The following ODF1 variants were observed in gnomAD, a reference collection of about 807,000 sequenced individuals.
The protein encoded by ODF1 is outer dense fiber protein 1.
In ODF1, 10 loss-of-function variants were observed where a neutral mutation model predicts 24.0. That is an observed-to-expected ratio of 0.42 (90% CI 0.26 to 0.71). ODF1 has a LOEUF of 0.71. ODF1 is among the 30% of genes least tolerant of loss of function. ODF1 has a pLI of 0.28. For synonymous variants in ODF1, 118 were observed against 121.3 expected (o/e 0.97, Z 0.18); for missense variants, 282 against 307.9 (o/e 0.92, Z 0.63).
At chr8:102,553,460 C>A (rs1826073324) in intron 1 of ODF1, among the ~76,000 whole-genome samples, 2 of 151,950 alleles carry the variant, frequency 1.3e-5, no homozygotes, top group South Asian at 4.2e-4. Context: ...AGCCTGGGAG[C>A]TTTCACCTGT....
chr8:102,553,169 C>A (rs1304437088), intron 1 of ODF1, among the ~76,000 whole-genome samples: 1 of 147,572 alleles, frequency 6.8e-6, no homozygotes, highest in African/African-American at 2.5e-5. Flanking sequence ...TCGAGACCAG[C>A]CTGGCTAACA....
At chr8:102,554,826 C>T (rs1345136076) in intron 1 of ODF1, among the ~76,000 whole-genome samples, 1 of 152,090 alleles carries the variant, frequency 6.6e-6, no homozygotes, top group Non-Finnish European at 1.5e-5. Flanking sequence ...AGTGTGGTGG[C>T]ACATGCTTGT....
At position 102,560,620 on chromosome 8, in the gene ODF1, G is replaced by T; in HGVS notation, c.489G>T (p.Ser163=). The part of the protein sequence containing the change: ...ERENRYDCLG[S]KKYSYMNICK... ...AGAACAGGTACGACTGCCTTGGATC[G>T]AAAAAGTACAGCTACATGAACATCT... The change falls in exon 2 of 2, where the codon TCG becomes TCT. Residue 163 remains serine, a synonymous_variant. Coordinates refer to ENST00000285402, the MANE Select transcript of ODF1 (RefSeq NM_024410.4). 1.2e-6 allele frequency: 2 copies of T among 1,614,192 alleles called. No individual in the cohort carries two copies. Among genetic ancestry groups the T allele is most frequent in the Non-Finnish European group, 1.7e-6 (2 of 1,180,024 alleles).
At chr8:102,559,840 C>T (rs1214084743) in intron 1 of ODF1, among the ~76,000 whole-genome samples, 4 of 151,454 alleles carry the variant, frequency 2.6e-5, no homozygotes, top group South Asian at 2.1e-4. Context: ...GGGCTGGGTT[C>T]GAAAGCTGAC....
Position 102,560,989 on chromosome 8 carries a change from T to C in ODF1, c.*105T>C, listed in dbSNP as rs955729881. 11 of 1,095,180 alleles carry C rather than the reference T, an allele frequency of 1.0e-5. No individual in the cohort carries two copies. Among genetic ancestry groups the C allele is most frequent in the Admixed American group, 2.2e-5 (1 of 44,614 alleles). 67.8% of individuals were successfully genotyped at this position (1,095,180 alleles called of 1,614,324 possible). A position where few individuals can be genotyped will look rare whatever the true frequency, so the allele number is the denominator to read the frequency against. On this transcript the variant is annotated 3_prime_UTR_variant, in exon 2 of 2. Coordinates refer to ENST00000285402, the MANE Select transcript of ODF1 (RefSeq NM_024410.4). Reference sequence around the variant, plus strand: ...CCATGGCCCCTGTTGTTGAAGTACGTAGGAAACTGAATACATAACTGCAAT... The same window carrying C: ...CCATGGCCCCTGTTGTTGAAGTACGCAGGAAACTGAATACATAACTGCAAT...
At chr8:102,553,374 CAAA>C (rs55997419) in intron 1 of ODF1, among the ~76,000 whole-genome samples, 1,985 of 108,420 alleles carry the variant, frequency 0.018, 36 homozygotes, top group African/African-American at 0.059. Context: ...GAGACTGTCT[CAAA>C]AAAAAAAAAA....
chr8:102,552,390 G>A (rs565263934), intron 1 of ODF1, among the ~76,000 whole-genome samples: 51 of 152,270 alleles, frequency 3.3e-4, no homozygotes, highest in African/African-American at 1.2e-3. Flanking sequence ...TCCTGGTTAT[G>A]AGTAAAGTGA....
Position 102,560,522 on chromosome 8 carries a change from G to C in ODF1, c.391G>C (p.Val131Leu), listed in dbSNP as rs776985942. Reference sequence around the variant, plus strand: ...CAGTAACATTTTAGGATCGGTGAATGTATGCGGTTTTGAACCCGATCAAGT... The same window carrying C: ...CAGTAACATTTTAGGATCGGTGAATCTATGCGGTTTTGAACCCGATCAAGT... ...CSSNILGSVN[V>L]CGFEPDQVKV... is the part of the protein sequence containing the mutation. The change falls in exon 2 of 2, where the codon GTA becomes CTA. Residue 131 changes from valine (V) to leucine (L), a missense_variant. Coordinates refer to ENST00000285402, the MANE Select transcript of ODF1 (RefSeq NM_024410.4). 7 of 1,614,206 alleles carry C rather than the reference G, an allele frequency of 4.3e-6. No individual in the cohort carries two copies. Among genetic ancestry groups the C allele is most frequent in the Non-Finnish European group, 5.9e-6 (7 of 1,180,022 alleles).
Position 102,560,527 on chromosome 8 carries a change from C to T in ODF1, c.396C>T (p.Cys132=), listed in dbSNP as rs763969814. The change falls in exon 2 of 2, where the codon TGC becomes TGT. Residue 132 remains cysteine, a synonymous_variant. Coordinates refer to ENST00000285402, the MANE Select transcript of ODF1 (RefSeq NM_024410.4). ...ACATTTTAGGATCGGTGAATGTATG[C>T]GGTTTTGAACCCGATCAAGTCAAAG... ...SSNILGSVNV[C]GFEPDQVKVR... 1.6e-5 allele frequency: 26 copies of T among 1,613,998 alleles called. No homozygotes were observed. Among genetic ancestry groups the T allele is most frequent in the Admixed American group, 6.7e-5 (4 of 60,000 alleles).
chr8:102,553,204 T>TAAA lies in ODF1; in HGVS notation c.320+1158_320+1159insAAA, dbSNP rs1315579134. 2.4e-3 allele frequency among the ~76,000 whole-genome samples: 160 copies of TAAA among 65,630 alleles called. 2 individuals are homozygous for TAAA. Among genetic ancestry groups the TAAA allele is most frequent in the African/African-American group, 4.3e-3 (58 of 13,646 alleles). The allele number at this position is 65,630 out of a possible 152,430, so 43.1% of individuals were successfully genotyped here. A position where few individuals can be genotyped will look rare whatever the true frequency, so the allele number is the denominator to read the frequency against. ...ATGGTGAAACCCCATCTCTACTAAA[T>TAAA]ACAAAAAAAAAAAAAAAAAAAAATT... On this transcript the variant is annotated intron_variant, in intron 1 of 1. Transcript: ENST00000285402.
At position 102,560,782 on chromosome 8, in the gene ODF1, CTGCAACCCCTGCAGCCCCTGCAACCCG is replaced by C. The variant is rs568456031; in HGVS notation, c.656_682del (p.Asn219_Cys227del). 416,992 of 1,591,104 alleles carry C rather than the reference CTGCAACCCCTGCAGCCCCTGCAACCCG, an allele frequency of 0.26. 57,474 individuals are homozygous for C. Among genetic ancestry groups the C allele is most frequent in the Admixed American group, 0.36 (21,396 of 59,230 alleles). ...GCAGCCCCTGCAGCCCCTGCAGCCC[CTGCAACCCCTGCAGCCCCTGCAACCCG>C]TGCAGCCCATATGATCCTTGCAACC... On this transcript the variant is annotated inframe_deletion, in exon 2 of 2. Transcript: ENST00000285402.
intron 1 of ODF1, among the ~76,000 whole-genome samples, chr8:102,554,832 C>T (rs527552881): frequency 2.1e-4 from 32 of 152,238 alleles, no homozygotes; most frequent in Admixed American, 6.5e-4. Context: ...GTGGCACATG[C>T]TTGTGGTCCC....
intron 1 of ODF1, among the ~76,000 whole-genome samples, chr8:102,556,215 G>C (rs1826109059): frequency 6.6e-6 from 1 of 152,200 alleles, no homozygotes; most frequent in Non-Finnish European, 1.5e-5. Context: ...GGTGGTGGCA[G>C]AGCCAAGACT....
At chr8:102,555,804 C>T (rs945154283) in intron 1 of ODF1, among the ~76,000 whole-genome samples, 1 of 152,186 alleles carries the variant, frequency 6.6e-6, no homozygotes, top group African/African-American at 2.4e-5. Flanking sequence ...CTGAGGGGAG[C>T]TCTCCCTTGT....
At chr8:102,554,166 A>G (rs1826081933) in intron 1 of ODF1, among the ~76,000 whole-genome samples, 1 of 152,238 alleles carries the variant, frequency 6.6e-6, no homozygotes. Flanking sequence ...CAGTCCCAGA[A>G]GGCCCCCAGT....
chr8:102,555,708 T>C (rs576232229), intron 1 of ODF1, among the ~76,000 whole-genome samples: 32 of 152,318 alleles, frequency 2.1e-4, no homozygotes, highest in African/African-American at 7.7e-4. Flanking sequence ...CATTCTAGTC[T>C]CTCTCATTCT....
In ODF1 at chr8:102,560,278, G is replaced by A. The variant is rs115372042; in HGVS notation, c.321-174G>A. Among the ~76,000 whole-genome samples, 1,462 of 147,668 alleles carry A rather than the reference G, an allele frequency of 9.9e-3. 74 individuals carry two copies. The highest frequency in any genetic ancestry group is 0.037 in the African/African-American group (1,372 of 37,332). ...GTGTACTTGCGGGGCAGTGTGATTC[G>A]CATGGGTGGACTCACACTTTTTACT... is the stretch of plus-strand genomic sequence containing the variant. On this transcript the variant is annotated intron_variant, in intron 1 of 1. Transcript: ENST00000285402.
chr8:102,560,692 A>G lies in ODF1; in HGVS notation c.561A>G (p.Thr187=), dbSNP rs754942067. The G allele has an allele frequency of 5.6e-6, 9 of 1,614,076 alleles. No individual in the cohort carries two copies. The highest frequency in any genetic ancestry group is 5.9e-6 in the Non-Finnish European group (7 of 1,180,022). Residue 187 remains threonine, a synonymous_variant, in exon 2 of 2, where the codon ACA becomes ACG. Coordinates refer to ENST00000285402, the MANE Select transcript of ODF1 (RefSeq NM_024410.4). ...LPPCVDEKDV[T]YSYGLGSCVK... ...CCTGTGTGGATGAGAAGGATGTAAC[A>G]TACTCCTATGGGCTCGGCAGCTGTG...
chr8:102,559,248 C>T (rs550895372), intron 1 of ODF1, among the ~76,000 whole-genome samples: 12 of 151,390 alleles, frequency 7.9e-5, no homozygotes, highest in Non-Finnish European at 1.3e-4. Context: ...CTTTAAACCT[C>T]GATACTCCAG....
Sources: allele counts gnomAD v4.1 joint callset (sites outside exome capture counted in the v4.1 genomes callset), GRCh38; gene constraint gnomAD v4.1.1; transcripts MANE v1.5; gene names NCBI Gene and HGNC (gene_info 2026-07-23, HGNC 2026-07-21).